Variants in ACSL1 observed in about 807,000 individuals in gnomAD.
ACSL1 encodes the protein acyl-CoA synthetase long chain family member 1.
Under a neutral mutation model 98.4 loss-of-function variants are expected in ACSL1, and 41 were observed. The observed-to-expected ratio is 0.42, with a 90% confidence interval of 0.32 to 0.54. The LOEUF (loss-of-function observed/expected upper bound fraction) is 0.54. Ranked by LOEUF, ACSL1 falls within the 20% of genes least tolerant of loss-of-function variation. The pLI is 0.13. For synonymous variants in ACSL1, 316 were observed against 322.7 expected (o/e 0.98, Z 0.22); for missense variants, 734 against 883.1 (o/e 0.83, Z 2.14).
intron 3 of ACSL1, among the ~76,000 whole-genome samples, chr4:184,785,066 T>C (rs1357131102): frequency 1.3e-5 from 2 of 152,204 alleles, no homozygotes; most frequent in Non-Finnish European, 2.9e-5. Flanking sequence ...CCACTGGCTG[T>C]TTTTGTAGAC....
intron 14 of ACSL1, among the ~76,000 whole-genome samples, chr4:184,765,273 T>C (rs142172978): frequency 6.6e-6 from 1 of 152,180 alleles, no homozygotes; most frequent in African/African-American, 2.4e-5. Flanking sequence ...TTACTACAGG[T>C]TGTCAGCATG....
intron 2 of ACSL1, among the ~76,000 whole-genome samples, chr4:184,790,466 T>C (rs545220556): frequency 6.6e-6 from 1 of 152,356 alleles, no homozygotes; most frequent in South Asian, 2.1e-4. Flanking sequence ...AATAGTTTTC[T>C]GGAGTAAATA....
rs368275078 is a variant in ACSL1, at chr4:184,757,719, G to T, written c.1885-13C>A. On this transcript the variant is annotated splice_polypyrimidine_tract_variant and intron_variant, in intron 19 of 20. Transcript: ENST00000281455. The surrounding 1 kb of genome is among the most constrained non-coding windows in gnomAD (Gnocchi z 4.5). ...CTTTTTTGACATCCTAAAAGGGTAA[G>T]AAAAATAAATTACTTCCTCTGTTAG... The T allele has an allele frequency of 3.8e-5, 61 of 1,613,158 alleles. No homozygotes were observed. The highest frequency in any genetic ancestry group is 1.4e-5 in the Non-Finnish European group (17 of 1,179,614).
intron 11 of ACSL1, 97 bp from the exon 12 acceptor site, chr4:184,768,547 C>T: frequency 6.7e-6 from 10 of 1,486,374 alleles, no homozygotes; most frequent in South Asian, 1.4e-5. Flanking sequence ...GCATTTCAGG[C>T]CAGTTTCCAG....
chr4:184,787,560 T>A (rs1367346053), intron 3 of ACSL1, among the ~76,000 whole-genome samples: 1 of 152,038 alleles, frequency 6.6e-6, no homozygotes, highest in Admixed American at 6.5e-5. Context: ...AGAGGCTTTA[T>A]GATCAAGAAA....
At chr4:184,764,756 T>C (rs1281103554) in intron 15 of ACSL1, 97 bp downstream of exon 15, 5 of 1,079,202 alleles carry the variant, frequency 4.6e-6, no homozygotes, top group Admixed American at 2.8e-5. Context: ...TTGTTTAAGA[T>C]GGTTAATGAA....
intron 2 of ACSL1, among the ~76,000 whole-genome samples, chr4:184,794,458 A>G (rs1217579581): frequency 1.3e-5 from 2 of 152,186 alleles, no homozygotes; most frequent in Non-Finnish European, 2.9e-5. Flanking sequence ...ATTCGTACTC[A>G]CTACTGAACT....
At chr4:184,779,654 G>T (rs1314199658) in intron 5 of ACSL1, among the ~76,000 whole-genome samples, 1 of 152,104 alleles carries the variant, frequency 6.6e-6, no homozygotes, top group African/African-American at 2.4e-5. Context: ...AAAGGAACCT[G>T]CTATTGACAA....
intron 2 of ACSL1, among the ~76,000 whole-genome samples, chr4:184,795,985 G>A (rs189793037): frequency 4.6e-5 from 7 of 152,288 alleles, no homozygotes; most frequent in Non-Finnish European, 7.4e-5. Flanking sequence ...TGATTAGATC[G>A]AAGGATATGA....
chr4:184,798,182 C>G (rs907882078), intron 2 of ACSL1: 1 of 152,146 alleles, frequency 6.6e-6, no homozygotes, highest in Non-Finnish European at 1.5e-5. Context: ...TGATAACAAT[C>G]TAAACAGTGA....
At chr4:184,799,273 C>T (rs531696081) in intron 2 of ACSL1, among the ~76,000 whole-genome samples, 5 of 152,010 alleles carry the variant, frequency 3.3e-5, no homozygotes, top group Admixed American at 6.6e-5. Flanking sequence ...CACGCCACCA[C>T]GCCTGGCTAA....
At chr4:184,760,049 A>AT (rs1561170114) in intron 18 of ACSL1, among the ~76,000 whole-genome samples, 1 of 152,224 alleles carries the variant, frequency 6.6e-6, no homozygotes. Context: ...ACCCATGTCA[A>AT]TATTTTCTTT....
At position 184,757,136 on chromosome 4, in the gene ACSL1, T is replaced by G. The variant is rs1406689921; in HGVS notation, c.2086A>C (p.Ile696Leu). ...RSQIDDLYST[I>L]KV The stretch of plus-strand genomic sequence containing the variant: ...CTTTCTTCTTCACACTAAACCTTGA[T>G]AGTGGAATAGAGGTCATCTATCTGC... The change falls in exon 21 of 21, where the codon ATC (isoleucine) becomes CTC (leucine). Residue 696 changes from isoleucine (I) to leucine (L), a missense_variant. By Grantham distance (5) the Ile-to-Leu change is conservative. Coordinates refer to ENST00000281455, the MANE Select transcript of ACSL1 (RefSeq NM_001995.5). This position sits in a 1 kb window ranked among gnomAD's most constrained non-coding sequence, Gnocchi z 4.5. 3 of 1,588,948 alleles carry G rather than the reference T, an allele frequency of 1.9e-6. No homozygotes were observed. The highest frequency in any genetic ancestry group is 1.3e-5 in the African/African-American group (1 of 74,596).
At chr4:184,786,424 A>ACACACACACACACACG (rs1561210966) in intron 3 of ACSL1, among the ~76,000 whole-genome samples, 55 of 99,256 alleles carry the variant, frequency 5.5e-4, no homozygotes, top group African/African-American at 1.2e-3. Flanking sequence ...CAAAGCACAC[A>ACACACACACACACACG]CACACACACA....
In ACSL1 at chr4:184,803,870, T is replaced by C. The variant is rs1031241729; in HGVS notation, c.-32-324A>G. 1.3e-5 allele frequency among the ~76,000 whole-genome samples: 2 copies of C among 152,334 alleles called. No individual in the cohort carries two copies. Among genetic ancestry groups the C allele is most frequent in the East Asian group, 3.9e-4 (2 of 5,190 alleles). On this transcript the variant is annotated intron_variant, in intron 1 of 20. Coordinates refer to ENST00000281455, the MANE Select transcript of ACSL1 (RefSeq NM_001995.5). The surrounding 1 kb of genome is among the most constrained non-coding windows in gnomAD (Gnocchi z 4.8). ...TCAAATAAGTAGATTTAAGTTTCTA[T>C]TTTCTTCTTTGCTACTACGTCTCTG...
intron 1 of ACSL1, among the ~76,000 whole-genome samples, chr4:184,804,732 G>A (rs775794682): frequency 5.9e-5 from 9 of 152,040 alleles, no homozygotes; most frequent in Admixed American, 1.3e-4. Context: ...ACCTTATCTC[G>A]CAGGGCTTTT....
intron 1 of ACSL1, among the ~76,000 whole-genome samples, chr4:184,811,326 A>G (rs34348426): frequency 4.0e-5 from 6 of 151,526 alleles, no homozygotes; most frequent in Non-Finnish European, 8.8e-5. Context: ...GTTGGCCAGG[A>G]TGGTCTCGAT....
chr4:184,815,342 G>A (rs1015307144), intron 1 of ACSL1, among the ~76,000 whole-genome samples: 2 of 152,160 alleles, frequency 1.3e-5, no homozygotes, highest in Admixed American at 6.6e-5. Context: ...TAAGGCAACC[G>A]TCAGGAGCCT....
intron 2 of ACSL1, among the ~76,000 whole-genome samples, chr4:184,793,980 C>A (rs1426460151): frequency 6.6e-6 from 1 of 152,174 alleles, no homozygotes; most frequent in Non-Finnish European, 1.5e-5. Context: ...ATATTACTCA[C>A]AATACCTAAT....
Sources: gnomAD v4.1 joint callset for allele counts (sites outside exome capture counted in the v4.1 genomes callset) on GRCh38, gnomAD v4.1.1 for gene constraint, Gnocchi (gnomAD v3.1) non-coding constraint, MANE v1.5 for transcripts, NCBI Gene and HGNC (gene_info 2026-07-23, HGNC 2026-07-21) for gene names.